The following SCFD2 variants were observed in gnomAD, a reference collection of about 807,000 sequenced individuals.
SCFD2 encodes the protein sec1 family domain-containing protein 2.
A neutral mutation model predicts 58.9 loss-of-function variants in SCFD2; 54 were observed. The observed-to-expected ratio is 0.92, with a 90% CI of 0.74 to 1.15. The LOEUF (loss-of-function observed/expected upper bound fraction) is 1.15, where lower values mean the gene tolerates loss of function less well. SCFD2 is among the 50% of genes most tolerant of loss of function. The pLI is 0.00. For missense variants in SCFD2, 805 were observed against 836.6 expected (o/e 0.96, Z 0.47); for synonymous variants, 321 against 335.9 (o/e 0.96, Z 0.49).
At chr4:53,095,046 C>T (rs1466217071) in intron 5 of SCFD2, among the ~76,000 whole-genome samples, 6 of 152,076 alleles carry the variant, frequency 3.9e-5, no homozygotes, top group Admixed American at 2.6e-4. Flanking sequence ...TTGGTTGCTG[C>T]TTCTCAATTT....
intron 5 of SCFD2, among the ~76,000 whole-genome samples, chr4:52,941,996 T>C (rs889755125): frequency 1.3e-5 from 2 of 152,200 alleles, no homozygotes; most frequent in African/African-American, 4.8e-5. Context: ...TTGGAGCATA[T>C]TGAATTTAGG....
At chr4:53,240,671 A>G (rs1729864596) in intron 4 of SCFD2, among the ~76,000 whole-genome samples, 1 of 152,242 alleles carries the variant, frequency 6.6e-6, no homozygotes, top group Non-Finnish European at 1.5e-5. Context: ...AGCTACAGAA[A>G]ACAAAACAAA....
intron 4 of SCFD2, among the ~76,000 whole-genome samples, chr4:53,164,731 C>CA (rs1475799940): frequency 7.0e-6 from 1 of 142,186 alleles, no homozygotes; most frequent in African/African-American, 2.6e-5. Flanking sequence ...GTGGAGGTTG[C>CA]AGTGAGCCGA....
intron 5 of SCFD2, among the ~76,000 whole-genome samples, chr4:53,019,881 C>T (rs761114050): frequency 1.3e-5 from 2 of 152,160 alleles, no homozygotes; most frequent in Non-Finnish European, 2.9e-5. Context: ...GGACAAGCTA[C>T]TCGGAGGTTT....
In SCFD2 at chr4:53,256,039, G is replaced by A. The variant is rs577097627; in HGVS notation, c.1311+17787C>T. On this transcript the variant is annotated intron_variant, in intron 4 of 8. Transcript: ENST00000401642. ...GGGTCTGACCCCCCACCTCCCTTCCGGACGGGGCGGCTGGCCTGGTGGGGG... is the reference window on the plus strand; with the variant it reads ...GGGTCTGACCCCCCACCTCCCTTCCAGACGGGGCGGCTGGCCTGGTGGGGG... Among the ~76,000 whole-genome samples the A allele has an allele frequency of 8.8e-3, 1,300 of 148,276 alleles. 26 individuals carry two copies. The highest frequency in any genetic ancestry group is 0.029 in the African/African-American group (1,189 of 40,392).
At chr4:53,229,580 G>A (rs1466125783) in intron 4 of SCFD2, among the ~76,000 whole-genome samples, 1 of 152,198 alleles carries the variant, frequency 6.6e-6, no homozygotes, top group Admixed American at 6.5e-5. Flanking sequence ...CTAGAGAACT[G>A]AAACTGGATC....
At chr4:53,115,376 T>C (rs1196394320) in intron 5 of SCFD2, among the ~76,000 whole-genome samples, 3 of 152,148 alleles carry the variant, frequency 2.0e-5, no homozygotes, top group Non-Finnish European at 4.4e-5. Context: ...AAATATACAG[T>C]GAGAACCTGT....
intron 5 of SCFD2, among the ~76,000 whole-genome samples, chr4:53,060,475 G>A (rs1375054913): frequency 1.3e-5 from 2 of 152,106 alleles, no homozygotes; most frequent in Non-Finnish European, 2.9e-5. Flanking sequence ...GTACTGCAAA[G>A]GTTCTCAAAG....
At chr4:52,922,654 G>A (rs1391196428) in intron 5 of SCFD2, among the ~76,000 whole-genome samples, 1 of 152,184 alleles carries the variant, frequency 6.6e-6, no homozygotes, top group Non-Finnish European at 1.5e-5. Context: ...GTTATCATGA[G>A]TAATGCTGCT....
chr4:52,921,118 T>C (rs1447228536), intron 5 of SCFD2, among the ~76,000 whole-genome samples: 2 of 152,180 alleles, frequency 1.3e-5, no homozygotes, highest in Non-Finnish European at 2.9e-5. Flanking sequence ...GCCTGGGATT[T>C]CAGCCACTGG....
chr4:53,081,141 A>G (rs527806941), intron 5 of SCFD2, among the ~76,000 whole-genome samples: 4 of 152,184 alleles, frequency 2.6e-5, no homozygotes, highest in Non-Finnish European at 5.9e-5. Flanking sequence ...AATTTCAGGC[A>G]ATTATCTTAG....
intron 5 of SCFD2, among the ~76,000 whole-genome samples, chr4:53,044,912 C>G (rs867734343): frequency 0.023 from 332 of 14,210 alleles, 31 homozygotes; most frequent in African/African-American, 0.034. Context: ...CCCAACCCCC[C>G]CCCCCCGCCC....
At chr4:52,996,311 C>T (rs987050199) in intron 5 of SCFD2, among the ~76,000 whole-genome samples, 5 of 152,212 alleles carry the variant, frequency 3.3e-5, no homozygotes, top group African/African-American at 7.2e-5. Flanking sequence ...AATGTGCAGA[C>T]GATAACAGAG....
intron 5 of SCFD2, among the ~76,000 whole-genome samples, chr4:53,027,803 G>A (rs1340838192): frequency 6.6e-6 from 1 of 152,130 alleles, no homozygotes; most frequent in Non-Finnish European, 1.5e-5. Flanking sequence ...ATTCCAGCCT[G>A]GGTGACAGAG....
chr4:53,229,191 C>T (rs1203739321), intron 4 of SCFD2, among the ~76,000 whole-genome samples: 2 of 152,284 alleles, frequency 1.3e-5, no homozygotes, highest in African/African-American at 2.4e-5. Flanking sequence ...AATGGCCATA[C>T]TGCCCAAGGT....
intron 4 of SCFD2, among the ~76,000 whole-genome samples, chr4:53,227,643 T>C (rs917492413): frequency 2.0e-5 from 3 of 152,278 alleles, no homozygotes; most frequent in African/African-American, 7.2e-5. Context: ...CTAAACCCTT[T>C]ATTCCAATAT....
At chr4:53,012,334 G>C (rs183360764) in intron 5 of SCFD2, among the ~76,000 whole-genome samples, 76 of 150,340 alleles carry the variant, frequency 5.1e-4, no homozygotes, top group African/African-American at 1.9e-3. Context: ...TACCTTATTA[G>C]CATAAAATCT....
At chr4:53,190,268 T>C (rs1727853816) in intron 4 of SCFD2, among the ~76,000 whole-genome samples, 1 of 152,176 alleles carries the variant, frequency 6.6e-6, no homozygotes, top group Non-Finnish European at 1.5e-5. Flanking sequence ...AGACAGATGT[T>C]GGCGTGTGTG....
rs566841180 is a variant in SCFD2 at position 53,345,616 on chromosome 4, T to C, written c.1007+6982A>G. The stretch of plus-strand genomic sequence containing the variant: ...TACTGGGTATATACCCGAAGGATTA[T>C]AAATCATGCTGCCATAAAGACACAC... On this transcript the variant is annotated intron_variant, in intron 2 of 8. Transcript: ENST00000401642. 2.0e-4 allele frequency among the ~76,000 whole-genome samples: 31 copies of C among 152,012 alleles called. 1 individual carries two copies. In the South Asian group the frequency reaches 2.3e-3, roughly 11 times the overall value.
Sources: allele counts gnomAD v4.1 joint callset (sites outside exome capture counted in the v4.1 genomes callset), GRCh38; gene constraint gnomAD v4.1.1; transcripts MANE v1.5; gene names NCBI Gene and HGNC (gene_info 2026-07-23, HGNC 2026-07-21).